The following DRP2 variants were observed in gnomAD, a reference collection of about 807,000 sequenced individuals.
DRP2 encodes dystrophin related protein 2.
In DRP2, 29 loss-of-function variants were observed where a neutral mutation model predicts 78.2. That is an observed-to-expected ratio of 0.37 (90% CI 0.28 to 0.51). The LOEUF (loss-of-function observed/expected upper bound fraction) is 0.51, where lower values mean the gene tolerates loss of function less well. DRP2 is among the 20% of genes least tolerant of loss of function. The pLI, the probability that DRP2 is intolerant of heterozygous loss-of-function variation, is 0.94. For missense variants in DRP2, 686 were observed against 770.6 expected, an observed-to-expected ratio of 0.89 and a Z score of 1.30; for synonymous variants, 290 against 281.9, an observed-to-expected ratio of 1.03 and a Z score of -0.29.
In DRP2 at chrX:101,248,266, A is replaced by G. The variant is rs1311921392; in HGVS notation, c.1430A>G (p.Asn477Ser). 2.5e-6 allele frequency: 3 copies of G among 1,209,360 alleles called. No individual in the cohort carries two copies. The highest frequency in any genetic ancestry group is 2.2e-6 in the Non-Finnish European group (2 of 894,924). ...CCACTCTGTGTGGACATGAGCCTCA[A>G]TTGGCTCCTCAATGTTTTTGATAGG... is the stretch of plus-strand genomic sequence containing the variant. ...NVPLCVDMSL[N>S]WLLNVFDSGR... is the part of the protein sequence containing the mutation. Residue 477 changes from asparagine to serine, a missense_variant, in exon 13 of 24, where the codon AAT becomes AGT. Coordinates refer to ENST00000395209, the MANE Select transcript of DRP2 (RefSeq NM_001939.3).
chrX:101,254,764 C>T, intron 18 of DRP2, 95 bp from the exon 19 acceptor site: 1 of 1,119,476 alleles, frequency 8.9e-7, no homozygotes, highest in South Asian at 1.9e-5. Flanking sequence ...TTCCCATCAG[C>T]TCTTGCCCAT....
chrX:101,250,698 A>G lies in DRP2; in HGVS notation c.1698+118A>G, dbSNP rs1355562473. ...GAAGTACGCAGATGCAAGGGAGTTT[A>G]TTGGGATGGAACAACAGGGCAGAGG... is the stretch of plus-strand genomic sequence containing the variant. On this transcript the variant is annotated intron_variant, in intron 15 of 23. Coordinates refer to ENST00000395209, the MANE Select transcript of DRP2 (RefSeq NM_001939.3). 7 of 1,008,301 alleles carry G rather than the reference A, an allele frequency of 6.9e-6. No homozygotes were observed. The East Asian group carries it at 1.9e-4, about 28-fold the overall frequency. The allele number at this position is 1,008,301 out of a possible 1,213,427, so 83.1% of individuals were successfully genotyped here. A position where few individuals can be genotyped will look rare whatever the true frequency, so the allele number is the denominator to read the frequency against.
chrX:101,256,012 A>G, intron 20 of DRP2, 106 bp from the exon 21 acceptor site: 1 of 1,000,249 alleles, frequency 1.0e-6, no homozygotes, highest in Non-Finnish European at 1.3e-6. Context: ...GATGTGACTT[A>G]GAAGTGAATC....
chrX:101,244,158 G>A lies in DRP2; in HGVS notation c.1055-859G>A, dbSNP rs761592437. On this transcript the variant is annotated intron_variant, in intron 9 of 23. Transcript: ENST00000395209. ...CTGCCTTATGTTTCAACAGAGTCAG[G>A]GTGTTGAGAAGAGACTACTGGGGAG... Among the ~76,000 whole-genome samples, 5 of 111,225 alleles carry A rather than the reference G, an allele frequency of 4.5e-5. No individual in the cohort carries two copies. The East Asian group carries it at 1.4e-3, about 32-fold the overall frequency.
intron 3 of DRP2, among the ~76,000 whole-genome samples, chrX:101,235,321 A>G (rs1922456141): frequency 8.9e-6 from 1 of 112,339 alleles, no homozygotes; most frequent in Non-Finnish European, 1.9e-5. Context: ...GCCAAGTTTC[A>G]TATGGGAAGT....
At chrX:101,242,851 C>T in intron 8 of DRP2, 53 bp from the exon 9 acceptor site, 2 of 1,111,676 alleles carry the variant, frequency 1.8e-6, no homozygotes, top group Non-Finnish European at 2.5e-6. Flanking sequence ...CCTGGGGATC[C>T]CACTCTAAAT....
intron 7 of DRP2, 67 bp from the exon 8 acceptor site, chrX:101,242,258 A>C: frequency 8.6e-7 from 1 of 1,169,005 alleles, no homozygotes; most frequent in Non-Finnish European, 1.2e-6. Context: ...GGAAGAGTAG[A>C]GGTGAATGAC....
intron 2 of DRP2, among the ~76,000 whole-genome samples, chrX:101,227,625 G>C (rs1922166038): frequency 8.9e-6 from 1 of 112,053 alleles, no homozygotes; most frequent in Admixed American, 9.5e-5. Context: ...GAGAATGATA[G>C]TGTTTGGTGC....
intron 10 of DRP2, 45 bp from the exon 11 acceptor site, chrX:101,245,343 G>A (rs766695943): frequency 8.8e-7 from 1 of 1,130,778 alleles, no homozygotes; most frequent in East Asian, 3.1e-5. Flanking sequence ...TGTGGGGGTG[G>A]GTGGGTGGTA....
intron 4 of DRP2, 28 bp from the exon 5 acceptor site, chrX:101,237,591 C>T: frequency 9.6e-7 from 1 of 1,040,659 alleles, no homozygotes; most frequent in Non-Finnish European, 1.2e-6. Context: ...GAAGACTGAA[C>T]ATCACTGGTT....
chrX:101,239,164 C>A, intron 6 of DRP2, 63 bp downstream of exon 6: 1 of 1,130,201 alleles, frequency 8.8e-7, no homozygotes. Flanking sequence ...GCTGAACAAA[C>A]ACCCTCCTGC....
In DRP2 at chrX:101,260,643, T is replaced by C; in HGVS notation, c.*22T>C. On this transcript the variant is annotated 3_prime_UTR_variant, in exon 24 of 24. Transcript: ENST00000395209. ...TTGATGGAGCCAGATCCCCATCCTA[T>C]AGTTCATAGTCCTCTCCTGGTTCCG... 8.3e-7 allele frequency: 1 copy of C among 1,199,332 alleles called. No individual in the cohort carries two copies. Among genetic ancestry groups the C allele is most frequent in the Non-Finnish European group, 1.1e-6 (1 of 889,733 alleles).
chrX:101,242,055 G>C, intron 7 of DRP2, 119 bp downstream of exon 7: 1 of 904,499 alleles, frequency 1.1e-6, no homozygotes, highest in Non-Finnish European at 1.5e-6. Context: ...CTGAGTTGCT[G>C]TCAGTTTATG....
chrX:101,232,535 G>A (rs886819345), intron 3 of DRP2, among the ~76,000 whole-genome samples: 1 of 111,082 alleles, frequency 9.0e-6, no homozygotes, highest in South Asian at 3.9e-4. Flanking sequence ...GGCAGGCAGC[G>A]GCCGAATATA....
chrX:101,260,912 G>T lies in DRP2; in HGVS notation c.*291G>T. 2 of 256,100 alleles carry T rather than the reference G, an allele frequency of 7.8e-6. No individual in the cohort carries two copies. The highest frequency in any genetic ancestry group is 1.4e-5 in the Non-Finnish European group (2 of 145,400). The allele number at this position is 256,100 out of a possible 1,213,427, so 21.1% of individuals were successfully genotyped here. On this transcript the variant is annotated 3_prime_UTR_variant, in exon 24 of 24. Transcript: ENST00000395209. Reference sequence around the variant, plus strand: ...TTGCAGCCCAGGCAAATATCACTTGGCCATTCAGATGGGGAGCAGAGAAGC... The same window carrying T: ...TTGCAGCCCAGGCAAATATCACTTGTCCATTCAGATGGGGAGCAGAGAAGC...
At position 101,262,369 on chromosome X, in the gene DRP2, T is replaced by A. The variant is rs1923589105; in HGVS notation, c.*1748T>A. ...GCAAACCCAAGCTCTGCCCACCCCA[T>A]GCAGAAAAGGACAAACAGGCCTTTA... On this transcript the variant is annotated 3_prime_UTR_variant, in exon 24 of 24. Transcript: ENST00000395209. The A allele has an allele frequency of 1.8e-5, 2 of 111,729 alleles. No homozygotes were observed. The highest frequency in any genetic ancestry group is 3.8e-5 in the Non-Finnish European group (2 of 53,143). The allele number at this position is 111,729 out of a possible 1,213,427, so 9.2% of individuals were successfully genotyped here. A position where few individuals can be genotyped will look rare whatever the true frequency, so the allele number is the denominator to read the frequency against.
chrX:101,232,362 A>C (rs2147333184), intron 3 of DRP2, among the ~76,000 whole-genome samples: 1 of 111,166 alleles, frequency 9.0e-6, no homozygotes, highest in Non-Finnish European at 1.9e-5. Flanking sequence ...CCCTTTCCCG[A>C]CAATGAGGGA....
chrX:101,258,912 A>G (rs1003515254), intron 22 of DRP2, among the ~76,000 whole-genome samples: 4 of 112,224 alleles, frequency 3.6e-5, no homozygotes, highest in Non-Finnish European at 7.5e-5. Context: ...TTTTGCTAGT[A>G]TGGTATTTGC....
chrX:101,249,910 C>T (rs914063082), intron 14 of DRP2, among the ~76,000 whole-genome samples: 3 of 111,726 alleles, frequency 2.7e-5, no homozygotes, highest in Non-Finnish European at 3.8e-5. Flanking sequence ...ATTAGCTTCT[C>T]TTTTTGGATT....
Sources: allele counts gnomAD v4.1 joint callset (sites outside exome capture counted in the v4.1 genomes callset), GRCh38; gene constraint gnomAD v4.1.1; transcripts MANE v1.5; gene names NCBI Gene and HGNC (gene_info 2026-07-23, HGNC 2026-07-21).